The following NLRP5 variants were observed in gnomAD, a reference collection of about 807,000 sequenced individuals.
NLRP5 encodes NLR family pyrin domain containing 5, also known as NACHT, LRR and PYD domains-containing protein 5.
NLRP5 carries 93 observed loss-of-function variants against 113.1 expected under a neutral mutation model. The ratio of observed to expected loss-of-function variants is 0.82; its 90% CI spans 0.70 to 0.98. NLRP5 has a LOEUF of 0.98. Among genes scored for constraint, NLRP5 ranks in the 50% least tolerant of loss-of-function variants. The pLI is 0.00. For missense variants in NLRP5, 1,808 were observed against 1,514.3 expected (o/e 1.19, Z -3.22); for synonymous variants, 751 against 600.7 (o/e 1.25, Z -3.66).
rs151239781 is a variant in NLRP5 at position 56,042,386 on chromosome 19, C to T, written c.2957+1294C>T. Among the ~76,000 whole-genome samples, 803 of 152,238 alleles carry T rather than the reference C, an allele frequency of 5.3e-3. 4 individuals carry two copies. The highest frequency in any genetic ancestry group is 0.018 in the African/African-American group (733 of 41,544). Reference sequence around the variant, plus strand: ...TTTGAGACAGTTTGGCTCTGTCACCCAGGTTGGAGTGGCATGGCGCAATCT... The same window carrying T: ...TTTGAGACAGTTTGGCTCTGTCACCTAGGTTGGAGTGGCATGGCGCAATCT... On this transcript the variant is annotated intron_variant, in intron 11 of 14. Transcript: ENST00000390649.
Position 56,058,246 on chromosome 19 carries a change from G to A in NLRP5, c.3306G>A (p.Lys1102=), listed in dbSNP as rs1394844785. The change falls in exon 14 of 15, where the codon AAG becomes AAA. Residue 1102 remains lysine, a synonymous_variant. Transcript: ENST00000390649. ...GGGTGTCCTGACCCTGCAGGTTGAA[G>A]GCATGTGGACTGACTTCTGATTGCT... 3 of 1,612,588 alleles carry A rather than the reference G, an allele frequency of 1.9e-6. No individual in the cohort carries two copies. The highest frequency in any genetic ancestry group is 1.3e-5 in the African/African-American group (1 of 74,856).
In NLRP5 at chr19:56,033,527, C is replaced by G; in HGVS notation, c.2448-15C>G. ...CATCACCAGTGTCGAATGTGTCTCCCCTTCCCCATTGCAGGTTTAGAAATG... is the reference window on the plus strand; with the variant it reads ...CATCACCAGTGTCGAATGTGTCTCCGCTTCCCCATTGCAGGTTTAGAAATG... On this transcript the variant is annotated splice_polypyrimidine_tract_variant and intron_variant, in intron 8 of 14. Coordinates refer to ENST00000390649, the MANE Select transcript of NLRP5 (RefSeq NM_153447.4). 1 of 1,601,650 alleles carries G rather than the reference C, an allele frequency of 6.2e-7. No homozygotes were observed. Among genetic ancestry groups the G allele is most frequent in the Non-Finnish European group, 8.5e-7 (1 of 1,172,054 alleles).
At chr19:56,047,170 T>A (rs1331585719) in intron 11 of NLRP5, among the ~76,000 whole-genome samples, 1 of 152,212 alleles carries the variant, frequency 6.6e-6, no homozygotes, top group Non-Finnish European at 1.5e-5. Context: ...GTCTATCAAT[T>A]TTATATTTTC....
rs2123287338 is a variant in NLRP5 at position 56,015,742 on chromosome 19, G to T, written c.509G>T (p.Gly170Val). The change falls in exon 4 of 15, where the codon GGA becomes GTA. Residue 170 changes from glycine to valine, a missense_variant and splice_region_variant. Physicochemically the swap from Gly to Val is moderately radical, Grantham distance 109. Coordinates refer to ENST00000390649, the MANE Select transcript of NLRP5 (RefSeq NM_153447.4). The stretch of plus-strand genomic sequence containing the variant: ...TATTCTTCTCCCTTCTCTTTTGCAG[G>T]AATTTCACAAGCTGTGCAACAAGAT... 4 of 1,565,638 alleles carry T rather than the reference G, an allele frequency of 2.6e-6. No homozygotes were observed. The highest frequency in any genetic ancestry group is 3.5e-6 in the Non-Finnish European group (4 of 1,153,296).
the NLRP5 span, among the ~76,000 whole-genome samples, chr19:55,990,997 A>G: frequency 6.6e-6 from 1 of 152,106 alleles, no homozygotes. Context: ...AGAAAAAAAA[A>G]ATTCCGCTGA....
At chr19:56,030,172 C>A (rs1983040869) in intron 7 of NLRP5, among the ~76,000 whole-genome samples, 1 of 151,982 alleles carries the variant, frequency 6.6e-6, no homozygotes, top group Admixed American at 6.6e-5. Flanking sequence ...GAGTTCGAGA[C>A]CAGCCTGGCC....
intron 6 of NLRP5, among the ~76,000 whole-genome samples, chr19:56,022,274 C>T (rs1006209631): frequency 6.6e-6 from 1 of 152,192 alleles, no homozygotes; most frequent in African/African-American, 2.4e-5. Flanking sequence ...GGCTGAAGTA[C>T]AGTGGCACAA....
At position 56,053,828 on chromosome 19, in the gene NLRP5, CTT is replaced by C. The variant is rs1984026448; in HGVS notation, c.3299+22_3299+23del. On this transcript the variant is annotated intron_variant, in intron 13 of 14. Transcript: ENST00000390649. Reference sequence around the variant, plus strand: ...ACTCGGGTAACTTCCTGGGGCGCCTCTTTGCGGGCCGGGCTGGGAGGAGGTGG... The same window carrying C: ...ACTCGGGTAACTTCCTGGGGCGCCTCTGCGGGCCGGGCTGGGAGGAGGTGG... 6.2e-7 allele frequency: 1 copy of C among 1,609,044 alleles called. No homozygotes were observed. Among genetic ancestry groups the C allele is most frequent in the Non-Finnish European group, 8.5e-7 (1 of 1,176,656 alleles).
chr19:56,019,409 T>A lies in NLRP5; in HGVS notation c.622+11T>A, dbSNP rs1450842126. On this transcript the variant is annotated intron_variant, in intron 5 of 14. Transcript: ENST00000390649. ...AGACAGAAGAACAAGGTGAGGAAAATAGATGTATTCCTTGGTTGCCCTCCT... is the reference window on the plus strand; with the variant it reads ...AGACAGAAGAACAAGGTGAGGAAAAAAGATGTATTCCTTGGTTGCCCTCCT... 6.2e-7 allele frequency: 1 copy of A among 1,612,402 alleles called. No homozygotes were observed. The highest frequency in any genetic ancestry group is 1.3e-5 in the African/African-American group (1 of 74,796).
intron 6 of NLRP5, among the ~76,000 whole-genome samples, chr19:56,025,982 G>A (rs138536747): frequency 1.3e-5 from 2 of 152,188 alleles, no homozygotes; most frequent in African/African-American, 4.8e-5. Context: ...TAGATTCTAC[G>A]GGGGGAGACC....
chr19:56,000,920 C>T (rs569185896), intron 1 of NLRP5, among the ~76,000 whole-genome samples: 23 of 151,716 alleles, frequency 1.5e-4, no homozygotes, highest in Admixed American at 4.6e-4. Flanking sequence ...GCAGGAGAAT[C>T]GATTGAACCC....
chr19:56,050,734 A>T, intron 12 of NLRP5, 146 bp downstream of exon 12: 3 of 725,432 alleles, frequency 4.1e-6, no homozygotes, highest in East Asian at 2.8e-5. Flanking sequence ...AATCTAGGTA[A>T]ACTGAGGTGT....
chr19:55,995,051 T>C (rs11881760), upstream of NLRP5, among the ~76,000 whole-genome samples: 25,531 of 152,084 alleles, frequency 0.17, 2,378 homozygotes, highest in East Asian at 0.34. Context: ...GAGTTCATGC[T>C]CTTTGTAGGG....
chr19:56,057,447 T>C (rs1984198401), intron 13 of NLRP5, among the ~76,000 whole-genome samples: 1 of 152,236 alleles, frequency 6.6e-6, no homozygotes, highest in South Asian at 2.1e-4. Flanking sequence ...GACTCTTTTC[T>C]AGCCATCTAG....
chr19:56,010,742 C>CAAAAAAAACAAAAAAAAAAAA (rs1982151889), intron 3 of NLRP5, among the ~76,000 whole-genome samples: 1 of 41,278 alleles, frequency 2.4e-5, no homozygotes, highest in Non-Finnish European at 4.3e-5. Context: ...AACTCTGTCT[C>CAAAAAAAACAAAAAAAAAAAA]AAAAAAAAAA....
chr19:56,033,262 A>C (rs1215255423), intron 8 of NLRP5, among the ~76,000 whole-genome samples: 1 of 146,754 alleles, frequency 6.8e-6, no homozygotes, highest in Non-Finnish European at 1.5e-5. Flanking sequence ...AACAAAAAAC[A>C]AAAAAAAACC....
chr19:56,053,801 A>G lies in NLRP5; in HGVS notation c.3292A>G (p.Arg1098Gly). 1 of 1,612,954 alleles carries G rather than the reference A, an allele frequency of 6.2e-7. No homozygotes were observed. Among genetic ancestry groups the G allele is most frequent in the Non-Finnish European group, 8.5e-7 (1 of 1,179,290 alleles). The change falls in exon 13 of 15, where the codon AGA (arginine) becomes GGA (glycine). Residue 1098 changes from arginine to glycine, a missense_variant. Transcript: ENST00000390649. ...GAAGCAAAAGAACAGTGTTCTGGCGAGACTCGGGTAACTTCCTGGGGCGCC... is the reference window on the plus strand; with the variant it reads ...GAAGCAAAAGAACAGTGTTCTGGCGGGACTCGGGTAACTTCCTGGGGCGCC...
intron 11 of NLRP5, among the ~76,000 whole-genome samples, chr19:56,047,771 GTTTC>G (rs1054593382): frequency 1.8e-4 from 27 of 152,062 alleles, no homozygotes; most frequent in African/African-American, 6.0e-4. Context: ...TAAATCCATT[GTTTC>G]TTTGACTTTC....
intron 6 of NLRP5, among the ~76,000 whole-genome samples, chr19:56,020,857 T>C (rs185979774): frequency 6.6e-6 from 1 of 151,102 alleles, no homozygotes; most frequent in African/African-American, 2.4e-5. Context: ...AAGAAAAACA[T>C]GTCTTGCCTT....
Sources: allele counts gnomAD v4.1 joint callset (sites outside exome capture counted in the v4.1 genomes callset), GRCh38; gene constraint gnomAD v4.1.1; transcripts MANE v1.5; gene names NCBI Gene and HGNC (gene_info 2026-07-23, HGNC 2026-07-21).